TMEM117: variants seen among roughly 807,000 people sequenced by gnomAD.
The protein encoded by TMEM117 is transmembrane protein 117.
A neutral mutation model predicts 52.4 loss-of-function variants in TMEM117; 27 were observed. The ratio of observed to expected loss-of-function variants is 0.51; its 90% CI spans 0.38 to 0.71. The LOEUF is 0.71. TMEM117 is among the 30% of genes least tolerant of loss of function. The pLI is 0.00. For synonymous variants in TMEM117, 215 were observed against 206.3 expected (o/e 1.04, Z -0.36); for missense variants, 556 against 630.5 (o/e 0.88, Z 1.26).
chr12:44,385,000 T>G (rs1178194333), intron 7 of TMEM117, among the ~76,000 whole-genome samples: 1 of 152,100 alleles, frequency 6.6e-6, no homozygotes, highest in African/African-American at 2.4e-5. Context: ...GTAGACAGAT[T>G]TGGGGTAGAA....
intron 3 of TMEM117, among the ~76,000 whole-genome samples, chr12:44,122,632 C>G (rs1029382919): frequency 3.9e-5 from 6 of 152,146 alleles, no homozygotes; most frequent in Non-Finnish European, 7.4e-5. Context: ...TCTCATCATT[C>G]AGCTCCCACT....
chr12:43,886,522 A>G (rs921063473), intron 2 of TMEM117, among the ~76,000 whole-genome samples: 1 of 152,186 alleles, frequency 6.6e-6, no homozygotes, highest in African/African-American at 2.4e-5. Context: ...AACAGCTTGC[A>G]TAGCTTAAAA....
intron 6 of TMEM117, among the ~76,000 whole-genome samples, chr12:44,334,448 C>A (rs1005068567): frequency 2.0e-5 from 3 of 151,988 alleles, no homozygotes; most frequent in African/African-American, 7.2e-5. Flanking sequence ...GTCGTTGAGG[C>A]TCTTGAAAAG....
intron 3 of TMEM117, among the ~76,000 whole-genome samples, chr12:44,034,143 A>G (rs978489600): frequency 2.6e-5 from 4 of 152,220 alleles, no homozygotes; most frequent in African/African-American, 7.2e-5. Flanking sequence ...TTTCTTTCTT[A>G]GGCAACAGGT....
chr12:43,854,167 C>T (rs914794467), intron 2 of TMEM117, among the ~76,000 whole-genome samples: 4 of 152,064 alleles, frequency 2.6e-5, no homozygotes, highest in Non-Finnish European at 4.4e-5. Context: ...GAGATGATGA[C>T]AAGATTAATC....
chr12:44,376,328 T>C (rs1366595221), intron 6 of TMEM117: 1 of 461,954 alleles, frequency 2.2e-6, no homozygotes, highest in African/African-American at 2.0e-5. Flanking sequence ...TAAACATGTG[T>C]AGATGCAAAT....
chr12:44,287,675 G>T (rs1423031237), intron 5 of TMEM117, among the ~76,000 whole-genome samples: 1 of 152,198 alleles, frequency 6.6e-6, no homozygotes, highest in African/African-American at 2.4e-5. Flanking sequence ...CATAATAACA[G>T]GAGGGTAATA....
At chr12:44,040,552 G>C (rs1946780751) in intron 3 of TMEM117, among the ~76,000 whole-genome samples, 2 of 152,018 alleles carry the variant, frequency 1.3e-5, no homozygotes, top group South Asian at 4.1e-4. Context: ...CATCTTTCCA[G>C]GTTTCTTTGT....
In TMEM117 at chr12:43,976,307, A is replaced by G. The variant is rs576239066; in HGVS notation, c.410+31965A>G. On this transcript the variant is annotated intron_variant, in intron 3 of 7. Coordinates refer to ENST00000266534, the MANE Select transcript of TMEM117 (RefSeq NM_032256.3). ...CCCAGTCTGTCCTGCAGACTGTGGC[A>G]GAGCAACAGATGAAAGGATTTCTCA... Among the ~76,000 whole-genome samples the G allele has an allele frequency of 1.1e-4, 16 of 152,262 alleles. No individual in the cohort carries two copies. In the South Asian group the frequency reaches 3.3e-3, roughly 32 times the overall value.
intron 6 of TMEM117, among the ~76,000 whole-genome samples, chr12:44,337,172 G>A (rs893240549): frequency 2.6e-5 from 4 of 151,956 alleles, no homozygotes; most frequent in African/African-American, 7.2e-5. Flanking sequence ...AGGCTGGGAC[G>A]TTCAAGATCA....
chr12:44,082,729 C>T (rs1012720539), intron 3 of TMEM117, among the ~76,000 whole-genome samples: 3 of 151,992 alleles, frequency 2.0e-5, no homozygotes, highest in Non-Finnish European at 4.4e-5. Context: ...TGTTATGCAA[C>T]ACAACAATAT....
intron 4 of TMEM117, among the ~76,000 whole-genome samples, chr12:44,198,178 A>C (rs1949446102): frequency 6.6e-6 from 1 of 152,196 alleles, no homozygotes; most frequent in African/African-American, 2.4e-5. Flanking sequence ...TGTAAGACGG[A>C]TCATATATGT....
the TMEM117 span, among the ~76,000 whole-genome samples, chr12:43,806,529 GA>G: frequency 5.9e-5 from 9 of 152,094 alleles, no homozygotes; most frequent in Non-Finnish European, 1.3e-4. Context: ...TTCCGGGGGG[GA>G]CATGCCGCAG....
At chr12:44,369,663 G>A (rs1951836139) in intron 6 of TMEM117, among the ~76,000 whole-genome samples, 2 of 152,140 alleles carry the variant, frequency 1.3e-5, no homozygotes, top group Admixed American at 1.3e-4. Context: ...ACATAAAAAA[G>A]TGAAGTTTTT....
chr12:43,857,026 C>G (rs1943412744), intron 2 of TMEM117, among the ~76,000 whole-genome samples: 1 of 152,156 alleles, frequency 6.6e-6, no homozygotes, highest in Non-Finnish European at 1.5e-5. Context: ...TCTCCTAGAG[C>G]AGGAAAGCAA....
At chr12:43,987,287 G>A (rs1473776061) in intron 3 of TMEM117, among the ~76,000 whole-genome samples, 1 of 152,158 alleles carries the variant, frequency 6.6e-6, no homozygotes, top group East Asian at 1.9e-4. Context: ...CTAGTCTCCA[G>A]AACTGTGAGA....
intron 2 of TMEM117, among the ~76,000 whole-genome samples, chr12:43,865,587 C>T (rs1204456374): frequency 6.6e-6 from 1 of 151,786 alleles, no homozygotes; most frequent in African/African-American, 2.4e-5. Flanking sequence ...ATTCCAGCTA[C>T]TAGAGGGGCT....
intron 3 of TMEM117, among the ~76,000 whole-genome samples, chr12:44,016,157 G>A (rs1946370719): frequency 6.6e-6 from 1 of 152,126 alleles, no homozygotes. Context: ...ACCCCACCTG[G>A]CTGCTTTGTT....
chr12:43,921,449 T>C (rs1234107777), intron 2 of TMEM117, among the ~76,000 whole-genome samples: 1 of 152,176 alleles, frequency 6.6e-6, no homozygotes, highest in Non-Finnish European at 1.5e-5. Context: ...TTGCTAGCTG[T>C]ATGACCTTAG....
Sources: allele counts gnomAD v4.1 joint callset (sites outside exome capture counted in the v4.1 genomes callset), GRCh38; gene constraint gnomAD v4.1.1; transcripts MANE v1.5; gene names NCBI Gene and HGNC (gene_info 2026-07-23, HGNC 2026-07-21).